Variants in AQR observed in about 807,000 individuals in gnomAD.
The protein encoded by AQR is aquarius intron-binding spliceosomal factor.
AQR carries 61 observed loss-of-function variants against 180.5 expected under a neutral mutation model. The ratio of observed to expected loss-of-function variants is 0.34; its 90% CI spans 0.28 to 0.42. The LOEUF (loss-of-function observed/expected upper bound fraction) is 0.42, where lower values mean the gene tolerates loss of function less well. Ranked by LOEUF, AQR falls within the 10% of genes least tolerant of loss-of-function variation. The probability of loss-of-function intolerance (pLI) is 1.00; values close to 1 mark genes in which losing one functional copy is unlikely to be tolerated. For synonymous variants in AQR, 551 were observed against 588.8 expected, an observed-to-expected ratio of 0.94 and a Z score of 0.93; for missense variants, 1,281 against 1,798.3, an observed-to-expected ratio of 0.71 and a Z score of 5.20.
intron 9 of AQR, among the ~76,000 whole-genome samples, chr15:34,935,307 A>C (rs1893929190): frequency 6.6e-6 from 1 of 151,912 alleles, no homozygotes. Flanking sequence ...ATATTTTCAG[A>C]GTAAAAGCTT....
intron 18 of AQR, among the ~76,000 whole-genome samples, chr15:34,905,548 CT>C (rs1262038265): frequency 6.6e-6 from 1 of 151,164 alleles, no homozygotes; most frequent in Non-Finnish European, 1.5e-5. Flanking sequence ...TCACAGTTAC[CT>C]AATGCCAAGA....
intron 4 of AQR, among the ~76,000 whole-genome samples, chr15:34,952,377 T>C (rs1894247652): frequency 6.6e-6 from 1 of 152,236 alleles, no homozygotes; most frequent in South Asian, 2.1e-4. Flanking sequence ...GTTTGAGAAA[T>C]GGTAAATGTA....
intron 2 of AQR, among the ~76,000 whole-genome samples, chr15:34,961,584 A>T (rs1198039813): frequency 7.0e-6 from 1 of 142,302 alleles, no homozygotes; most frequent in African/African-American, 2.7e-5. Flanking sequence ...CACTCCATCC[A>T]GCCTGGTGAT....
In AQR at chr15:34,856,985, G is replaced by C. The variant is rs773911381; in HGVS notation, c.4265C>G (p.Thr1422Arg). 1.9e-6 allele frequency: 3 copies of C among 1,614,122 alleles called. No homozygotes were observed. The East Asian group carries it at 6.7e-5, about 36-fold the overall frequency. The change falls in exon 35 of 35, where the codon ACA becomes AGA. Residue 1422 changes from threonine to arginine, a missense_variant. Transcript: ENST00000156471. ...TVQADIIPSP[T>R]DTSCRQETPA... ...AGTTTCTTGACGGCAGCTGGTGTCT[G>C]TTGGACTGGGTATGATGTCAGCTTG...
intron 22 of AQR, among the ~76,000 whole-genome samples, chr15:34,895,188 ATATATATATATATATAT>A (rs1332301319): frequency 1.8e-4 from 2 of 11,292 alleles, no homozygotes; most frequent in Admixed American, 9.8e-4. Flanking sequence ...AAAAAAAAAA[ATATATATATATATATAT>A]ATATATATAT....
chr15:34,879,386 T>C (rs1244032715), intron 27 of AQR, among the ~76,000 whole-genome samples: 1 of 152,208 alleles, frequency 6.6e-6, no homozygotes, highest in African/African-American at 2.4e-5. Context: ...CCATGTTTCA[T>C]GTTATCTCCT....
intron 1 of AQR, among the ~76,000 whole-genome samples, chr15:34,969,229 C>T (rs2050330577): frequency 6.6e-6 from 1 of 152,132 alleles, no homozygotes; most frequent in African/African-American, 2.4e-5. Flanking sequence ...GTGTTCCCTC[C>T]TCTCTGAATC....
intron 11 of AQR, among the ~76,000 whole-genome samples, chr15:34,931,132 G>A (rs988948890): frequency 1.3e-5 from 2 of 152,054 alleles, no homozygotes; most frequent in African/African-American, 4.8e-5. Flanking sequence ...CACCGCGCCC[G>A]GCTGTGCTGC....
intron 4 of AQR, among the ~76,000 whole-genome samples, chr15:34,951,431 T>C (rs1034664889): frequency 2.6e-5 from 4 of 152,160 alleles, no homozygotes; most frequent in Non-Finnish European, 5.9e-5. Context: ...CCCAGCACTT[T>C]AGGAAGCCGA....
Position 34,944,414 on chromosome 15 carries a change from C to A in AQR, c.345G>T (p.Lys115Asn), listed in dbSNP as rs1269335325. The change falls in exon 6 of 35, where the codon AAG becomes AAT. Residue 115 changes from lysine to asparagine, a missense_variant. Coordinates refer to ENST00000156471, the MANE Select transcript of AQR (RefSeq NM_014691.3). ...NVPAWEIFKK[K>N]PDHFPFFFKH... Reference sequence around the variant, plus strand: ...TAAAAAAGAATGGGAAGTGGTCTGGCTTCTTCTTAAAAATCTGAAAAGAAA... The same window carrying A: ...TAAAAAAGAATGGGAAGTGGTCTGGATTCTTCTTAAAAATCTGAAAAGAAA... 1 of 1,594,540 alleles carries A rather than the reference C, an allele frequency of 6.3e-7. No individual in the cohort carries two copies. Among genetic ancestry groups the A allele is most frequent in the Admixed American group, 1.8e-5 (1 of 54,356 alleles).
chr15:34,950,065 A>T (rs1595808701), intron 4 of AQR, among the ~76,000 whole-genome samples: 2 of 132,920 alleles, frequency 1.5e-5, no homozygotes, highest in Non-Finnish European at 1.6e-5. Flanking sequence ...TTTCATTTTT[A>T]CTTCTCTTTG....
Position 34,927,021 on chromosome 15 carries a change from T to C in AQR, c.1118+14A>G, listed in dbSNP as rs1893775132. On this transcript the variant is annotated intron_variant, in intron 13 of 34. Coordinates refer to ENST00000156471, the MANE Select transcript of AQR (RefSeq NM_014691.3). ...ATACAAAAAAAGAATATATAGTTTT[T>C]CATGTTGTCTTACCTAAGAGGTCCA... 4 of 1,460,902 alleles carry C rather than the reference T, an allele frequency of 2.7e-6. No homozygotes were observed. Among genetic ancestry groups the C allele is most frequent in the Non-Finnish European group, 3.7e-6 (4 of 1,079,128 alleles). 90.5% of individuals were successfully genotyped at this position (1,460,902 alleles called of 1,614,324 possible).
rs1480647575 is a variant in AQR, at chr15:34,874,858, G to T, written c.3244C>A (p.Gln1082Lys). The T allele has an allele frequency of 6.2e-7, 1 of 1,611,764 alleles. No individual in the cohort carries two copies. Among genetic ancestry groups the T allele is most frequent in the Non-Finnish European group, 8.5e-7 (1 of 1,179,238 alleles). Residue 1082 changes from glutamine (Q) to lysine (K), a missense_variant, in exon 29 of 35, where the codon CAG becomes AAG. Coordinates refer to ENST00000156471, the MANE Select transcript of AQR (RefSeq NM_014691.3). ...TFIPLLLQNP[Q>K]DGFSRLKRWI... Reference sequence around the variant, plus strand: ...CGTTTTAGTCGGCTAAATCCATCCTGAGGATTCTAGAAATGAAAAGTAAGG... The same window carrying T: ...CGTTTTAGTCGGCTAAATCCATCCTTAGGATTCTAGAAATGAAAAGTAAGG...
intron 10 of AQR, 108 bp from the exon 11 acceptor site, chr15:34,932,542 T>C: frequency 1.4e-6 from 1 of 740,654 alleles, no homozygotes; most frequent in Non-Finnish European, 2.2e-6. Context: ...CAAGGTACCC[T>C]CCAACCTTCC....
rs137915036 is a variant in AQR at position 34,926,209 on chromosome 15, G to A, written c.1118+826C>T. ...AAAAAAATAAAAAAATAGTATGCTG[G>A]TCCTGTTTAATGGAACTCTATGTAG... On this transcript the variant is annotated intron_variant, in intron 13 of 34. Transcript: ENST00000156471. 3.4e-4 allele frequency among the ~76,000 whole-genome samples: 52 copies of A among 152,028 alleles called. No homozygotes were observed. In the East Asian group the frequency reaches 9.6e-3, roughly 28 times the overall value.
chr15:34,862,761 C>A, intron 33 of AQR, 106 bp downstream of exon 33: 1 of 1,234,254 alleles, frequency 8.1e-7, no homozygotes, highest in Non-Finnish European at 1.1e-6. Context: ...AAAACAGGGA[C>A]TAAATTATCT....
intron 16 of AQR, among the ~76,000 whole-genome samples, chr15:34,914,336 A>G (rs1474730139): frequency 6.6e-6 from 1 of 152,240 alleles, no homozygotes; most frequent in Non-Finnish European, 1.5e-5. Context: ...CTTGTAATGC[A>G]GAGCTGCTAC....
intron 6 of AQR, among the ~76,000 whole-genome samples, chr15:34,942,593 C>T (rs189473105): frequency 8.5e-5 from 13 of 152,316 alleles, no homozygotes; most frequent in African/African-American, 3.1e-4. Context: ...ATATGTCTTA[C>T]AGAGTAAATA....
intron 23 of AQR, 137 bp from the exon 24 acceptor site, chr15:34,890,461 A>G (rs1893127622): frequency 1.5e-6 from 1 of 670,730 alleles, no homozygotes; most frequent in Non-Finnish European, 2.4e-6. Flanking sequence ...TAGTATTTAT[A>G]TTGATTTCTG....
Sources: gnomAD v4.1 joint callset for allele counts (sites outside exome capture counted in the v4.1 genomes callset) on GRCh38, gnomAD v4.1.1 for gene constraint, MANE v1.5 for transcripts, NCBI Gene and HGNC (gene_info 2026-07-23, HGNC 2026-07-21) for gene names.